Variants in NLRP7 observed in about 807,000 individuals in gnomAD.
NLRP7 encodes NACHT, LRR and PYD domains-containing protein 7.
In NLRP7, 72 loss-of-function variants were observed where a neutral mutation model predicts 85.5. The observed-to-expected ratio is 0.84, with a 90% CI of 0.70 to 1.02. NLRP7 has a LOEUF of 1.02. Ranked by LOEUF, NLRP7 falls within the 50% of genes least tolerant of loss-of-function variation. The pLI is 0.00. For missense variants in NLRP7, 1,243 were observed against 1,219.5 expected, an observed-to-expected ratio of 1.02 and a Z score of -0.29; for synonymous variants, 550 against 505.2, an observed-to-expected ratio of 1.09 and a Z score of -1.19.
chr19:54,937,217 A>C (rs1253607448), intron 5 of NLRP7, among the ~76,000 whole-genome samples: 1 of 145,540 alleles, frequency 6.9e-6, no homozygotes, highest in Non-Finnish European at 1.5e-5. Flanking sequence ...GACTGTCTCA[A>C]AAAAAAAAAA....
At chr19:54,945,081 T>C (rs1401752114) in intron 1 of NLRP7, among the ~76,000 whole-genome samples, 1 of 149,382 alleles carries the variant, frequency 6.7e-6, no homozygotes, top group Non-Finnish European at 1.5e-5. Flanking sequence ...CTACTAAAAA[T>C]ACAAAAAAAA....
exon 10 of NLRP7, chr19:54,923,866 C>T: frequency 6.2e-7 from 1 of 1,613,792 alleles, no homozygotes; most frequent in Non-Finnish European, 8.5e-7. Flanking sequence ...TTTCATAGGT[C>T]TTCAACCTGG....
At chr19:54,944,396 C>T (rs375239211) in intron 1 of NLRP7, among the ~76,000 whole-genome samples, 6 of 152,094 alleles carry the variant, frequency 3.9e-5, no homozygotes, top group African/African-American at 1.4e-4. Context: ...CATTTCCTAA[C>T]CTTGTTTATG....
At chr19:54,927,009 C>T (rs1311911888) in intron 9 of NLRP7, among the ~76,000 whole-genome samples, 1 of 150,810 alleles carries the variant, frequency 6.6e-6, no homozygotes, top group African/African-American at 2.4e-5. Flanking sequence ...AAAATCGCTT[C>T]AACCTGTGAG....
At chr19:54,925,641 C>G (rs1402867200) in intron 9 of NLRP7, among the ~76,000 whole-genome samples, 1 of 151,990 alleles carries the variant, frequency 6.6e-6, no homozygotes, top group African/African-American at 2.4e-5. Context: ...TGCAGCAGAG[C>G]AAAACGTTGT....
chr19:54,948,350 C>T (rs771676542), upstream of NLRP7, among the ~76,000 whole-genome samples: 16 of 152,044 alleles, frequency 1.1e-4, 1 homozygote, highest in Non-Finnish European at 1.9e-4. Context: ...CGCCATTGCA[C>T]TCCAGCCTGG....
Position 54,934,720 on chromosome 19 carries a change from T to TG in NLRP7, c.2301-62_2301-61insC. On this transcript the variant is annotated intron_variant, in intron 6 of 9. Transcript: ENST00000340844. The surrounding 1 kb of genome is among the most constrained non-coding windows in gnomAD (Gnocchi z 6.7). The stretch of plus-strand genomic sequence containing the variant: ...GGACAGAGTATACCCTATCAGCTTT[T>TG]TTTTTTTGAGACAGAGTTTCACTCT... 1 of 1,401,034 alleles carries TG rather than the reference T, an allele frequency of 7.1e-7. No individual in the cohort carries two copies. The highest frequency in any genetic ancestry group is 2.5e-5 in the East Asian group (1 of 40,546). 86.8% of individuals were successfully genotyped at this position (1,401,034 alleles called of 1,614,324 possible). A position where few individuals can be genotyped will look rare whatever the true frequency, so the allele number is the denominator to read the frequency against.
exon 4 of NLRP7, chr19:54,940,383 AATT>A: frequency 6.2e-7 from 1 of 1,614,144 alleles, no homozygotes; most frequent in Non-Finnish European, 8.5e-7. Context: ...TCGTCATGGA[AATT>A]GTCAATGTCT....
At chr19:54,939,305 G>C in exon 4 of NLRP7, 1 of 1,614,108 alleles carries the variant, frequency 6.2e-7, no homozygotes, top group South Asian at 1.1e-5. Flanking sequence ...TTCTTCTCCG[G>C]AAAGCAGCTT....
intron 8 of NLRP7, among the ~76,000 whole-genome samples, chr19:54,931,550 T>G (rs1338094492): frequency 6.6e-6 from 1 of 152,008 alleles, no homozygotes; most frequent in Non-Finnish European, 1.5e-5. Flanking sequence ...TAGCCAGGTG[T>G]GGTGGCACAT....
intron 1 of NLRP7, among the ~76,000 whole-genome samples, chr19:54,959,254 T>A (rs2069956670): frequency 6.6e-6 from 1 of 150,470 alleles, no homozygotes; most frequent in African/African-American, 2.4e-5. Context: ...TTCTGCTGCC[T>A]CATCCTTCCG....
At chr19:54,957,315 C>A (rs73055298) in intron 1 of NLRP7, among the ~76,000 whole-genome samples, 23,678 of 150,200 alleles carry the variant, frequency 0.16, 2,048 homozygotes, top group East Asian at 0.37. Context: ...GCCACTGGGA[C>A]GGACACCCCT....
chr19:54,954,580 T>C (rs150294220), intron 1 of NLRP7, among the ~76,000 whole-genome samples: 1,968 of 140,888 alleles, frequency 0.014, 47 homozygotes, highest in African/African-American at 0.049. Flanking sequence ...CGTGGTGGCT[T>C]ACGCCTGTAA....
chr19:54,930,010 G>A (rs1318935704), intron 9 of NLRP7, among the ~76,000 whole-genome samples: 1 of 151,008 alleles, frequency 6.6e-6, no homozygotes, highest in African/African-American at 2.4e-5. Flanking sequence ...AGCTACTCAG[G>A]AGGCTGAGGC....
At chr19:54,928,134 C>G (rs914725882) in intron 9 of NLRP7, among the ~76,000 whole-genome samples, 1 of 152,036 alleles carries the variant, frequency 6.6e-6, no homozygotes, top group Non-Finnish European at 1.5e-5. Context: ...GCACAAGAAT[C>G]GCTTCAGCCT....
upstream of NLRP7, among the ~76,000 whole-genome samples, chr19:54,950,915 C>A (rs2069647774): frequency 6.6e-6 from 1 of 152,208 alleles, no homozygotes; most frequent in African/African-American, 2.4e-5. Flanking sequence ...AAACCCTGGA[C>A]AATACCTGGC....
intron 5 of NLRP7, among the ~76,000 whole-genome samples, chr19:54,937,655 T>C (rs1264248588): frequency 6.6e-6 from 1 of 151,800 alleles, no homozygotes; most frequent in Non-Finnish European, 1.5e-5. Context: ...CCCAGCACTT[T>C]GGAAGGCCGA....
chr19:54,958,777 G>A (rs1189316572), intron 1 of NLRP7, among the ~76,000 whole-genome samples: 1 of 123,048 alleles, frequency 8.1e-6, no homozygotes, highest in Non-Finnish European at 1.6e-5. Context: ...ATTCAGCTGG[G>A]AGCATCGGCA....
At position 54,962,813 on chromosome 19, in the gene NLRP7, A is replaced by C. The variant is rs940277161; in HGVS notation, c.-77+3227T>G. On this transcript the variant is annotated intron_variant, in intron 1 of 2. Transcript: ENST00000587103. ...ACGGGGTTTCACCGTGTTAGCCAGG[A>C]TGGTCTCCATCTCCTGACCTCGTGA... 5.1e-3 allele frequency among the ~76,000 whole-genome samples: 747 copies of C among 145,092 alleles called. 12 individuals are homozygous for C. Among genetic ancestry groups the C allele is most frequent in the African/African-American group, 0.018 (713 of 39,634 alleles).
Sources: allele counts gnomAD v4.1 joint callset (sites outside exome capture counted in the v4.1 genomes callset), GRCh38; gene constraint gnomAD v4.1.1; non-coding constraint Gnocchi (gnomAD v3.1); transcripts MANE v1.5; gene names NCBI Gene and HGNC (gene_info 2026-07-23, HGNC 2026-07-21).